The following PPP2R5A variants were observed in gnomAD, a reference collection of about 807,000 sequenced individuals.
PPP2R5A encodes the protein serine/threonine-protein phosphatase 2A 56 kDa regulatory subunit alpha isoform.
A neutral mutation model predicts 64.2 loss-of-function variants in PPP2R5A; 25 were observed. That is an observed-to-expected ratio of 0.39 (90% confidence interval 0.28 to 0.54). The LOEUF is 0.54. Ranked by LOEUF, PPP2R5A falls within the 20% of genes least tolerant of loss-of-function variation. The pLI, the probability that PPP2R5A is intolerant of heterozygous loss-of-function variation, is 0.67. For synonymous variants in PPP2R5A, 198 were observed against 201.2 expected, an observed-to-expected ratio of 0.98 and a Z score of 0.13; for missense variants, 425 against 576.3, an observed-to-expected ratio of 0.74 and a Z score of 2.69.
At chr1:212,338,931 A>C (rs1659635767) in intron 3 of PPP2R5A, among the ~76,000 whole-genome samples, 1 of 152,220 alleles carries the variant, frequency 6.6e-6, no homozygotes, top group Non-Finnish European at 1.5e-5. Context: ...GGGTAAAGTA[A>C]TGAACTAAGC....
chr1:212,292,471 T>C (rs1003164820), intron 1 of PPP2R5A, among the ~76,000 whole-genome samples: 1 of 142,004 alleles, frequency 7.0e-6, no homozygotes, highest in Admixed American at 7.1e-5. Context: ...AGAAATTATA[T>C]GTTGGTTGTC....
chr1:212,312,413 GCTGTTTGCC>G (rs1486672179), intron 1 of PPP2R5A, among the ~76,000 whole-genome samples: 1 of 151,766 alleles, frequency 6.6e-6, no homozygotes, highest in Non-Finnish European at 1.5e-5. Flanking sequence ...ATATTTTTTT[GCTGTTTGCC>G]CTTAGGACCA....
Position 212,331,757 on chromosome 1 carries a change from T to C in PPP2R5A, c.379-1740T>C, listed in dbSNP as rs1010378747. On this transcript the variant is annotated intron_variant, in intron 2 of 12. Coordinates refer to ENST00000261461, the MANE Select transcript of PPP2R5A (RefSeq NM_006243.4). ...TCTCAAATATTTGAGTCAAATTTGC[T>C]ATATACTAATAAATTATGGGATTTA... 5.9e-5 allele frequency: 9 copies of C among 152,354 alleles called. No homozygotes were observed. In the South Asian group the frequency reaches 1.9e-3, roughly 32 times the overall value. 9.4% of individuals were successfully genotyped at this position (152,354 alleles called of 1,614,324 possible).
intron 1 of PPP2R5A, among the ~76,000 whole-genome samples, chr1:212,288,842 C>A (rs1221930916): frequency 1.4e-5 from 2 of 143,002 alleles, no homozygotes; most frequent in Non-Finnish European, 3.0e-5. Flanking sequence ...ACTCCAAGAT[C>A]TTTTAAGTTT....
chr1:212,325,963 A>G (rs1349584664), intron 1 of PPP2R5A, among the ~76,000 whole-genome samples: 1 of 152,234 alleles, frequency 6.6e-6, no homozygotes, highest in Non-Finnish European at 1.5e-5. Flanking sequence ...TTAAATGCAC[A>G]TAACCATTTT....
intron 1 of PPP2R5A, 61 bp from the exon 2 acceptor site, chr1:212,329,074 A>AAT: frequency 5.0e-6 from 6 of 1,200,320 alleles, no homozygotes; most frequent in Non-Finnish European, 6.6e-6. Flanking sequence ...AAAATTAATA[A>AAT]ATATATAAAA....
intron 1 of PPP2R5A, chr1:212,313,959 G>T (rs552619977): frequency 1.2e-4 from 18 of 152,178 alleles, no homozygotes; most frequent in Non-Finnish European, 1.9e-4. Flanking sequence ...TGTATTCCTT[G>T]TATAGATTCA....
At chr1:212,341,443 A>C (rs28372962) in intron 3 of PPP2R5A, among the ~76,000 whole-genome samples, 2 of 152,210 alleles carry the variant, frequency 1.3e-5, no homozygotes, top group East Asian at 3.8e-4. Context: ...AATTAATGAT[A>C]CACTGCCTGT....
In PPP2R5A at chr1:212,337,187, T is replaced by G. The variant is rs1659605289; in HGVS notation, c.480+3589T>G. 4.6e-5 allele frequency among the ~76,000 whole-genome samples: 7 copies of G among 152,182 alleles called. No individual in the cohort carries two copies. The South Asian group carries it at 1.4e-3, about 31-fold the overall frequency. On this transcript the variant is annotated intron_variant, in intron 3 of 12. Transcript: ENST00000261461. ...CATGGTAACTTAATGTACAACAGTT[T>G]TAAATTATTTTCTCATTTCTTTCCT... is the stretch of plus-strand genomic sequence containing the variant.
chr1:212,305,075 C>CT (rs1448370570), intron 1 of PPP2R5A, among the ~76,000 whole-genome samples: 1 of 132,576 alleles, frequency 7.5e-6, no homozygotes, highest in East Asian at 2.3e-4. Context: ...GTCTCGCTCT[C>CT]TGTCAGGCTG....
chr1:212,324,057 A>G (rs1425564491), intron 1 of PPP2R5A, among the ~76,000 whole-genome samples: 2 of 151,734 alleles, frequency 1.3e-5, no homozygotes, highest in African/African-American at 2.4e-5. Flanking sequence ...GGGCGACAGA[A>G]CAAGACTCCA....
intron 2 of PPP2R5A, among the ~76,000 whole-genome samples, chr1:212,330,093 T>A (rs1659477864): frequency 6.6e-6 from 1 of 152,200 alleles, no homozygotes; most frequent in Non-Finnish European, 1.5e-5. Context: ...GAAAAAAAAC[T>A]GCAGCCAACT....
intron 1 of PPP2R5A, chr1:212,302,242 T>G: frequency 1.4e-6 from 1 of 737,470 alleles, no homozygotes; most frequent in Non-Finnish European, 2.0e-6. Context: ...CTTACTGTAT[T>G]GTATTAAAAA....
intron 1 of PPP2R5A, among the ~76,000 whole-genome samples, chr1:212,325,491 C>T (rs928047439): frequency 6.6e-6 from 1 of 151,810 alleles, no homozygotes; most frequent in Non-Finnish European, 1.5e-5. Context: ...ATAGGACTGG[C>T]GGTATAAGGT....
chr1:212,358,665 A>T (rs886316156), intron 11 of PPP2R5A, 21 bp from the exon 12 acceptor site: 2 of 1,564,092 alleles, frequency 1.3e-6, no homozygotes, highest in African/African-American at 1.4e-5. Context: ...ATAACTCAGG[A>T]CTGGCTCATT....
intron 7 of PPP2R5A, 147 bp from the exon 8 acceptor site, chr1:212,349,042 A>G: frequency 2.2e-6 from 1 of 453,652 alleles, no homozygotes; most frequent in Non-Finnish European, 3.7e-6. Context: ...GGTATTTCAC[A>G]ATTTCATTCA....
At chr1:212,296,891 C>T (rs373362426) in intron 1 of PPP2R5A, among the ~76,000 whole-genome samples, 10 of 152,158 alleles carry the variant, frequency 6.6e-5, no homozygotes, top group African/African-American at 2.4e-4. Context: ...AAACCAAAAC[C>T]TAGGTAGGTT....
At chr1:212,317,941 C>T (rs1426139903) in intron 1 of PPP2R5A, among the ~76,000 whole-genome samples, 2 of 146,322 alleles carry the variant, frequency 1.4e-5, no homozygotes, top group African/African-American at 5.1e-5. Flanking sequence ...AGCTGAGACT[C>T]AATCTCAAAA....
chr1:212,305,680 T>G (rs955384202), intron 1 of PPP2R5A, among the ~76,000 whole-genome samples: 5 of 152,150 alleles, frequency 3.3e-5, no homozygotes, highest in African/African-American at 1.2e-4. Context: ...AATTTTCTAT[T>G]TCTCTCTTTG....
Sources: allele counts gnomAD v4.1 joint callset (sites outside exome capture counted in the v4.1 genomes callset), GRCh38; gene constraint gnomAD v4.1.1; transcripts MANE v1.5; gene names NCBI Gene and HGNC (gene_info 2026-07-23, HGNC 2026-07-21).